Variants in MAP2K5 observed in about 807,000 individuals in gnomAD.
MAP2K5 encodes mitogen-activated protein kinase kinase 5, also known as dual specificity mitogen-activated protein kinase kinase 5.
Under a neutral mutation model 83.1 loss-of-function variants are expected in MAP2K5, and 49 were observed. The ratio of observed to expected loss-of-function variants is 0.59; its 90% CI spans 0.47 to 0.75. The LOEUF is 0.75. Among genes scored for constraint, MAP2K5 ranks in the 30% least tolerant of loss-of-function variants. The pLI is 0.00. For synonymous variants in MAP2K5, 202 were observed against 191.8 expected (o/e 1.05, Z -0.44); for missense variants, 457 against 557.5 (o/e 0.82, Z 1.82).
At chr15:67,592,848 T>C in intron 6 of MAP2K5, 78 bp from the exon 7 acceptor site, 2 of 946,736 alleles carry the variant, frequency 2.1e-6, no homozygotes, top group South Asian at 1.4e-5. Flanking sequence ...AAAGCAAAGG[T>C]GTATTTCAGT....
chr15:67,642,245 A>G (rs1320656780), intron 9 of MAP2K5, among the ~76,000 whole-genome samples: 1 of 152,226 alleles, frequency 6.6e-6, no homozygotes, highest in Admixed American at 6.5e-5. Flanking sequence ...ACAGTTTCTT[A>G]TAAAGAGGAT....
chr15:67,669,519 T>G (rs1639395555), intron 13 of MAP2K5, among the ~76,000 whole-genome samples: 1 of 152,120 alleles, frequency 6.6e-6, no homozygotes, highest in Non-Finnish European at 1.5e-5. Context: ...GAGGCCAGTG[T>G]GTCTGTATCT....
intron 3 of MAP2K5, among the ~76,000 whole-genome samples, chr15:67,575,878 C>T (rs572146630): frequency 7.4e-6 from 1 of 134,574 alleles, no homozygotes; most frequent in Non-Finnish European, 1.6e-5. Context: ...CTATCTCTGT[C>T]TCTGTTTTCT....
chr15:67,593,646 G>A (rs1322158606), intron 7 of MAP2K5, among the ~76,000 whole-genome samples: 6 of 152,236 alleles, frequency 3.9e-5, no homozygotes, highest in African/African-American at 1.4e-4. Flanking sequence ...GCGTTTTAAT[G>A]TTTGTTATAG....
intron 17 of MAP2K5, among the ~76,000 whole-genome samples, chr15:67,735,944 C>T (rs1335303829): frequency 1.3e-5 from 2 of 152,088 alleles, no homozygotes; most frequent in East Asian, 3.9e-4. Flanking sequence ...AAAGGATGTG[C>T]TAGGTACTCA....
chr15:67,557,484 A>T lies in MAP2K5; in HGVS notation c.185-5799A>T, dbSNP rs1263661745. 3.3e-5 allele frequency among the ~76,000 whole-genome samples: 5 copies of T among 152,272 alleles called. No homozygotes were observed. In the East Asian group the frequency reaches 9.7e-4, roughly 29 times the overall value. The stretch of plus-strand genomic sequence containing the variant: ...ATGGTTATAGAATAAATATTTATTG[A>T]ATTTGTGCCTTTCTTCAACCCCATT... On this transcript the variant is annotated intron_variant, in intron 2 of 21. Coordinates refer to ENST00000178640, the MANE Select transcript of MAP2K5 (RefSeq NM_145160.3).
In MAP2K5 at chr15:67,652,536, A is replaced by T. The variant is rs2086977423; in HGVS notation, c.737-6017A>T. Among the ~76,000 whole-genome samples, 1 of 152,150 alleles carries T rather than the reference A, an allele frequency of 6.6e-6. No individual in the cohort carries two copies. Among genetic ancestry groups the T allele is most frequent in the Non-Finnish European group, 1.5e-5 (1 of 68,022 alleles). ...GAGTTCACTTAATTTTGTGAGAATG[A>T]CACCAAGTCTTTCATGAGGGATCCA... On this transcript the variant is annotated intron_variant, in intron 11 of 21. Transcript: ENST00000178640. This position sits in a 1 kb window ranked among gnomAD's most constrained non-coding sequence, Gnocchi z 4.2.
chr15:67,664,379 T>G (rs1596750248), intron 12 of MAP2K5, among the ~76,000 whole-genome samples: 1 of 143,400 alleles, frequency 7.0e-6, no homozygotes, highest in East Asian at 2.1e-4. Flanking sequence ...TGCACACCTG[T>G]GGTCCCAGCT....
chr15:67,604,751 T>G (rs1445206001), intron 8 of MAP2K5, among the ~76,000 whole-genome samples: 1 of 151,716 alleles, frequency 6.6e-6, no homozygotes, highest in African/African-American at 2.4e-5. Context: ...AAAAATTAGC[T>G]GGGCATGGTG....
rs2090260125 is a variant in MAP2K5, at chr15:67,777,509, C to T, written c.1242+4757C>T. Among the ~76,000 whole-genome samples, 1 of 152,180 alleles carries T rather than the reference C, an allele frequency of 6.6e-6. No individual in the cohort carries two copies. Among genetic ancestry groups the T allele is most frequent in the Admixed American group, 6.5e-5 (1 of 15,272 alleles). On this transcript the variant is annotated intron_variant, in intron 21 of 21. Transcript: ENST00000178640. This position sits in a 1 kb window ranked among gnomAD's most constrained non-coding sequence, Gnocchi z 6.0. The stretch of plus-strand genomic sequence containing the variant: ...TGATCTGATTCCCATTCTCCCCCTC[C>T]TTTGTAGCATGCACTTCGGCTGTGG...
intron 17 of MAP2K5, among the ~76,000 whole-genome samples, chr15:67,737,015 G>C (rs1032020883): frequency 6.6e-6 from 1 of 152,250 alleles, no homozygotes; most frequent in Non-Finnish European, 1.5e-5. Context: ...AACAGGGCCA[G>C]ACTGTCTCCC....
chr15:67,643,653 A>G (rs1384733551), intron 9 of MAP2K5, among the ~76,000 whole-genome samples: 1 of 152,068 alleles, frequency 6.6e-6, no homozygotes, highest in Non-Finnish European at 1.5e-5. Flanking sequence ...TCACCGTGTT[A>G]GCCAGGATGG....
intron 17 of MAP2K5, among the ~76,000 whole-genome samples, chr15:67,745,352 T>C (rs2089582124): frequency 6.6e-6 from 1 of 152,222 alleles, no homozygotes; most frequent in Non-Finnish European, 1.5e-5. Flanking sequence ...AAGATAGGCA[T>C]TCACAAAGCC....
intron 13 of MAP2K5, among the ~76,000 whole-genome samples, chr15:67,670,093 G>A (rs183137500): frequency 1.6e-4 from 25 of 152,262 alleles, no homozygotes; most frequent in African/African-American, 6.0e-4. Flanking sequence ...CATCCACAGA[G>A]TGGAATATTA....
chr15:67,630,082 A>G (rs981637542), intron 8 of MAP2K5, among the ~76,000 whole-genome samples: 1 of 152,182 alleles, frequency 6.6e-6, no homozygotes. Context: ...TACAAAAAAA[A>G]GTAAAAAGTA....
chr15:67,645,719 T>C (rs1364101042), intron 9 of MAP2K5, among the ~76,000 whole-genome samples: 1 of 140,696 alleles, frequency 7.1e-6, no homozygotes, highest in East Asian at 2.0e-4. Flanking sequence ...ACACAGGTAA[T>C]TTTTTTTTTT....
rs750655509 is a variant in MAP2K5, at chr15:67,806,729, G to A, written c.1326G>A (p.Arg442=). 29 of 1,552,876 alleles carry A rather than the reference G, an allele frequency of 1.9e-5. No homozygotes were observed. In the Admixed American group the frequency reaches 5.6e-4, roughly 30 times the overall value. ...TGTGCCGGGCGCTGGAGGAGAGGCG[G>A]AGCCAGCAGGGGCCCCCGTGAGGCT... ...MWVCRALEER[R]SQQGPP The change falls in exon 22 of 22, where the codon CGG becomes CGA. Residue 442 remains arginine (R), a synonymous_variant. Transcript: ENST00000178640.
intron 17 of MAP2K5, among the ~76,000 whole-genome samples, chr15:67,742,834 G>A (rs1239178514): frequency 6.6e-6 from 1 of 152,166 alleles, no homozygotes; most frequent in African/African-American, 2.4e-5. Context: ...ATGTGGTGTG[G>A]GACATGAGCT....
chr15:67,633,827 T>C (rs2086530189), intron 9 of MAP2K5, among the ~76,000 whole-genome samples: 2 of 152,234 alleles, frequency 1.3e-5, no homozygotes, highest in Non-Finnish European at 2.9e-5. Context: ...ATGTAACTTG[T>C]ATAATAGTCA....
Sources: allele counts gnomAD v4.1 joint callset (sites outside exome capture counted in the v4.1 genomes callset), GRCh38; gene constraint gnomAD v4.1.1; non-coding constraint Gnocchi (gnomAD v3.1); transcripts MANE v1.5; gene names NCBI Gene and HGNC (gene_info 2026-07-23, HGNC 2026-07-21).